Variants in ABLIM1 observed in about 807,000 individuals in gnomAD.
ABLIM1 encodes actin binding LIM protein 1.
ABLIM1 carries 40 observed loss-of-function variants against 107.0 expected under a neutral mutation model. The ratio of observed to expected loss-of-function variants is 0.37; its 90% CI spans 0.29 to 0.49. The LOEUF (loss-of-function observed/expected upper bound fraction) is 0.49. ABLIM1 is among the 20% of genes least tolerant of loss of function. The pLI is 0.97. For missense variants in ABLIM1, 857 were observed against 1,008.5 expected, an observed-to-expected ratio of 0.85 and a Z score of 2.04; for synonymous variants, 357 against 357.3, an observed-to-expected ratio of 1.00 and a Z score of 0.01.
intron 1 of ABLIM1, among the ~76,000 whole-genome samples, chr10:114,656,269 C>CAA (rs71007486): frequency 0.028 from 1,751 of 62,638 alleles, 33 homozygotes; most frequent in Non-Finnish European, 0.033. Context: ...AACTCCGTCT[C>CAA]AAAAAAAAAA....
At chr10:114,567,004 A>G (rs746673451) in intron 4 of ABLIM1, among the ~76,000 whole-genome samples, 22 of 152,332 alleles carry the variant, frequency 1.4e-4, no homozygotes, top group Non-Finnish European at 2.1e-4. Flanking sequence ...AGCCAGGATC[A>G]CACCACTGCA....
intron 11 of ABLIM1, among the ~76,000 whole-genome samples, chr10:114,466,621 A>G (rs1451076201): frequency 6.6e-6 from 1 of 152,154 alleles, no homozygotes; most frequent in African/African-American, 2.4e-5. Context: ...CTGACCACCA[A>G]CCAAACTGTA....
chr10:114,769,172 GAAAAAAAAA>G (rs35691537), upstream of ABLIM1, among the ~76,000 whole-genome samples: 29 of 46,520 alleles, frequency 6.2e-4, no homozygotes, highest in African/African-American at 1.4e-3. Context: ...TGTCTTCAAT[GAAAAAAAAA>G]AAAAAAAAAA....
intron 1 of ABLIM1, among the ~76,000 whole-genome samples, chr10:114,640,772 C>A (rs2078707364): frequency 6.6e-6 from 1 of 152,074 alleles, no homozygotes; most frequent in Non-Finnish European, 1.5e-5. Context: ...TTTAATTTTA[C>A]TTTATTTAGG....
chr10:114,755,615 G>A (rs749422099), intron 1 of ABLIM1, among the ~76,000 whole-genome samples: 11 of 152,200 alleles, frequency 7.2e-5, no homozygotes, highest in Non-Finnish European at 1.3e-4. Flanking sequence ...TTGTCTAGCC[G>A]GCTTTGTACA....
At chr10:114,719,730 C>A (rs1003878590) in intron 1 of ABLIM1, among the ~76,000 whole-genome samples, 1 of 152,178 alleles carries the variant, frequency 6.6e-6, no homozygotes, top group African/African-American at 2.4e-5. Flanking sequence ...GTCAGGCTCC[C>A]TGCTTTAGCA....
intron 2 of ABLIM1, among the ~76,000 whole-genome samples, chr10:114,582,037 A>C (rs2073442752): frequency 6.6e-6 from 1 of 152,208 alleles, no homozygotes; most frequent in South Asian, 2.1e-4. Context: ...AAGAGAAAGA[A>C]AGAAAAGTCA....
intron 8 of ABLIM1, chr10:114,485,458 A>G (rs1182391647): frequency 6.1e-6 from 8 of 1,307,170 alleles, no homozygotes; most frequent in African/African-American, 1.5e-5. Flanking sequence ...AAAAAATAAA[A>G]CAAAACAACA....
chr10:114,571,802 T>C (rs992126455), intron 3 of ABLIM1, among the ~76,000 whole-genome samples: 1 of 152,204 alleles, frequency 6.6e-6, no homozygotes, highest in African/African-American at 2.4e-5. Context: ...CCAGGAGACC[T>C]GGCTACAGGT....
At chr10:114,657,290 G>T (rs1357146866) in intron 1 of ABLIM1, among the ~76,000 whole-genome samples, 4 of 152,134 alleles carry the variant, frequency 2.6e-5, no homozygotes, top group African/African-American at 9.7e-5. Flanking sequence ...TTGACAAGGT[G>T]TGAGCAGTTG....
intron 4 of ABLIM1, among the ~76,000 whole-genome samples, chr10:114,554,406 T>A (rs2068465335): frequency 6.6e-6 from 1 of 152,134 alleles, no homozygotes; most frequent in South Asian, 2.1e-4. Context: ...ATCTAAGATA[T>A]CATCAGACTG....
At chr10:114,626,253 G>C (rs918806821) in intron 1 of ABLIM1, among the ~76,000 whole-genome samples, 25 of 152,168 alleles carry the variant, frequency 1.6e-4, no homozygotes, top group African/African-American at 6.0e-4. Context: ...GCAGGAAGGG[G>C]CTACTATCAA....
chr10:114,606,346 C>T (rs2076407771), intron 1 of ABLIM1, among the ~76,000 whole-genome samples: 3 of 152,126 alleles, frequency 2.0e-5, no homozygotes, highest in Non-Finnish European at 4.4e-5. Flanking sequence ...AGCAATTCTT[C>T]TGCCTCAGCC....
At chr10:114,594,450 C>T (rs2075219969) in intron 2 of ABLIM1, among the ~76,000 whole-genome samples, 1 of 152,100 alleles carries the variant, frequency 6.6e-6, no homozygotes, top group African/African-American at 2.4e-5. Flanking sequence ...CTAGCTATGC[C>T]ATTAAAAACA....
At chr10:114,667,830 A>G (rs971868500) in intron 1 of ABLIM1, among the ~76,000 whole-genome samples, 30 of 152,074 alleles carry the variant, frequency 2.0e-4, no homozygotes, top group Non-Finnish European at 1.0e-4. Flanking sequence ...ATATTCCCCC[A>G]TTGAGTTTTA....
chr10:114,748,240 CT>C lies in ABLIM1; in HGVS notation c.-213+19820del, dbSNP rs2082426462. Among the ~76,000 whole-genome samples, 5 of 151,996 alleles carry C rather than the reference CT, an allele frequency of 3.3e-5. No individual in the cohort carries two copies. The South Asian group carries it at 1.0e-3, about 32-fold the overall frequency. On this transcript the variant is annotated intron_variant, in intron 1 of 15. Coordinates refer to the ABLIM1 transcript ENST00000651092. ...CATGAAGTAAGTTTGGAGAAGTAGGCTGACTAGATTTATCTCTAATATTTTT... is the reference window on the plus strand; with the variant it reads ...CATGAAGTAAGTTTGGAGAAGTAGGCGACTAGATTTATCTCTAATATTTTT...
chr10:114,704,335 T>TATATATATATATATATATATA (rs3061769), intron 1 of ABLIM1, among the ~76,000 whole-genome samples: 9 of 83,444 alleles, frequency 1.1e-4, no homozygotes, highest in Non-Finnish European at 1.5e-4. Context: ...TATATATATA[T>TATATATATATATATATATATA]TGCGCGCGTT....
intron 1 of ABLIM1, among the ~76,000 whole-genome samples, chr10:114,716,410 AAC>A (rs56097544): frequency 0.017 from 2,501 of 143,374 alleles, 27 homozygotes; most frequent in South Asian, 0.03. Flanking sequence ...GGTAGAGAGA[AAC>A]ACACACACAC....
chr10:114,560,598 C>T (rs144069937), intron 4 of ABLIM1, among the ~76,000 whole-genome samples: 33 of 152,308 alleles, frequency 2.2e-4, no homozygotes, highest in Admixed American at 2.0e-3. Flanking sequence ...CATATAGCCT[C>T]GGTGTGTAGT....
Sources: allele counts gnomAD v4.1 joint callset (sites outside exome capture counted in the v4.1 genomes callset), GRCh38; gene constraint gnomAD v4.1.1; transcripts MANE v1.5; gene names NCBI Gene and HGNC (gene_info 2026-07-23, HGNC 2026-07-21).